The following NRXN3 variants were observed in gnomAD, a reference collection of about 807,000 sequenced individuals.
NRXN3 encodes the protein neurexin III.
Under a neutral mutation model 137.6 loss-of-function variants are expected in NRXN3, and 32 were observed. The observed-to-expected ratio is 0.23, with a 90% confidence interval of 0.18 to 0.31. The LOEUF (loss-of-function observed/expected upper bound fraction) is 0.31. Ranked by LOEUF, NRXN3 falls within the 10% of genes least tolerant of loss-of-function variation. The pLI is 1.00. For missense variants in NRXN3, 1,574 were observed against 2,062.5 expected (o/e 0.76, Z 4.59); for synonymous variants, 798 against 784.5 (o/e 1.02, Z -0.29).
intron 15 of NRXN3, among the ~76,000 whole-genome samples, chr14:79,004,869 G>A (rs139283296): frequency 1.5e-4 from 23 of 151,904 alleles, no homozygotes; most frequent in Non-Finnish European, 2.5e-4. Flanking sequence ...ATATGCTGTC[G>A]CCCCGTCCTC....
intron 15 of NRXN3, among the ~76,000 whole-genome samples, chr14:79,102,925 A>G (rs557782465): frequency 1.9e-4 from 29 of 152,324 alleles, no homozygotes; most frequent in African/African-American, 6.5e-4. Flanking sequence ...AGTGCCTACA[A>G]TGGGCCAGGT....
At chr14:78,559,913 T>C (rs2096771651) in intron 4 of NRXN3, among the ~76,000 whole-genome samples, 1 of 152,220 alleles carries the variant, frequency 6.6e-6, no homozygotes, top group African/African-American at 2.4e-5. Flanking sequence ...TATGCAGTGA[T>C]TATTTGTGTA....
chr14:79,439,062 T>C (rs747955425), intron 15 of NRXN3, among the ~76,000 whole-genome samples: 1 of 152,258 alleles, frequency 6.6e-6, no homozygotes, highest in Non-Finnish European at 1.5e-5. Context: ...CTCTGCAAGA[T>C]GCATTCTGGC....
intron 16 of NRXN3, among the ~76,000 whole-genome samples, chr14:79,550,998 A>G (rs979412739): frequency 6.6e-5 from 10 of 152,338 alleles, no homozygotes; most frequent in Non-Finnish European, 1.0e-4. Context: ...CCTGGGCATT[A>G]GAAGTAGTCA....
intron 15 of NRXN3, among the ~76,000 whole-genome samples, chr14:79,451,345 C>A (rs1156944327): frequency 6.6e-6 from 1 of 152,068 alleles, no homozygotes; most frequent in African/African-American, 2.4e-5. Context: ...AGTGGTATGA[C>A]CTTTGGCTGT....
chr14:78,278,514 G>T, intron 2 of NRXN3, 131 bp from the exon 3 acceptor site: 1 of 738,180 alleles, frequency 1.4e-6, no homozygotes, highest in South Asian at 1.7e-5. Context: ...TACCTCTGGG[G>T]CTTGCATGAA....
chr14:78,825,949 C>T (rs1401293004), intron 10 of NRXN3, among the ~76,000 whole-genome samples: 1 of 152,184 alleles, frequency 6.6e-6, no homozygotes, highest in Non-Finnish European at 1.5e-5. Context: ...GCTAATCTGT[C>T]CCTGATAAAG....
At chr14:78,914,745 G>T (rs916511150) in intron 10 of NRXN3, among the ~76,000 whole-genome samples, 1 of 152,072 alleles carries the variant, frequency 6.6e-6, no homozygotes, top group African/African-American at 2.4e-5. Flanking sequence ...GAGGACTTTG[G>T]GTTCTACTCT....
intron 19 of NRXN3, among the ~76,000 whole-genome samples, chr14:79,733,500 A>T (rs1176343005): frequency 6.6e-6 from 1 of 152,148 alleles, no homozygotes; most frequent in Non-Finnish European, 1.5e-5. Flanking sequence ...GTGGTAATGA[A>T]GTTGGTCCAT....
chr14:78,841,607 T>C (rs1012836926), intron 10 of NRXN3, among the ~76,000 whole-genome samples: 3 of 152,142 alleles, frequency 2.0e-5, no homozygotes, highest in Non-Finnish European at 2.9e-5. Flanking sequence ...CTCTCACTTA[T>C]GAATTGTTTC....
At chr14:78,734,528 G>A (rs1434418029) in intron 8 of NRXN3, among the ~76,000 whole-genome samples, 1 of 152,158 alleles carries the variant, frequency 6.6e-6, no homozygotes, top group African/African-American at 2.4e-5. Context: ...TTGGCCTCAT[G>A]GAGTTTATAG....
intron 16 of NRXN3, among the ~76,000 whole-genome samples, chr14:79,493,708 G>A (rs1007280309): frequency 6.6e-6 from 1 of 152,124 alleles, no homozygotes; most frequent in Non-Finnish European, 1.5e-5. Context: ...ATAATATATA[G>A]GAAGGCAGTT....
intron 16 of NRXN3, among the ~76,000 whole-genome samples, chr14:79,633,645 A>G (rs1455647368): frequency 6.6e-6 from 1 of 152,240 alleles, no homozygotes; most frequent in Non-Finnish European, 1.5e-5. Context: ...TCAAGAACTT[A>G]AGAGGATTTT....
intron 1 of NRXN3, among the ~76,000 whole-genome samples, chr14:78,187,157 T>G (rs1024463105): frequency 6.6e-6 from 1 of 152,186 alleles, no homozygotes; most frequent in Admixed American, 6.5e-5. Flanking sequence ...GTGTCTTCAC[T>G]TTACAAATGA....
intron 6 of NRXN3, among the ~76,000 whole-genome samples, chr14:78,698,803 C>T (rs902750536): frequency 3.3e-5 from 5 of 151,964 alleles, no homozygotes; most frequent in African/African-American, 4.8e-5. Flanking sequence ...GCATACATGC[C>T]GGGGAAAACT....
chr14:79,495,969 A>C (rs1014825506), intron 16 of NRXN3, among the ~76,000 whole-genome samples: 1 of 151,832 alleles, frequency 6.6e-6, no homozygotes, highest in South Asian at 2.1e-4. Context: ...ACAAAAAACA[A>C]AAAAACAAAA....
rs560202239 is a variant in NRXN3 at position 78,592,886 on chromosome 14, G to A, written c.758-52234G>A. The stretch of plus-strand genomic sequence containing the variant: ...AAGTCACAACAGTTAATCTGTAGTA[G>A]GACCCATGTCCTCCCATCTGCAGGG... On this transcript the variant is annotated intron_variant, in intron 4 of 20. Coordinates refer to ENST00000335750, the MANE Select transcript of NRXN3 (RefSeq NM_001330195.2). Among the ~76,000 whole-genome samples, 8 of 152,314 alleles carry A rather than the reference G, an allele frequency of 5.3e-5. No individual in the cohort carries two copies. The South Asian group carries it at 8.3e-4, about 16-fold the overall frequency.
chr14:78,578,895 T>C (rs569145885), intron 4 of NRXN3, among the ~76,000 whole-genome samples: 44 of 152,136 alleles, frequency 2.9e-4, no homozygotes, highest in African/African-American at 9.2e-4. Flanking sequence ...GGCTCTTTTT[T>C]CCTAGTGCTT....
chr14:79,752,999 G>A (rs1224615168), intron 19 of NRXN3, among the ~76,000 whole-genome samples: 1 of 151,634 alleles, frequency 6.6e-6, no homozygotes, highest in Non-Finnish European at 1.5e-5. Flanking sequence ...TCAGAGAAAT[G>A]CAAATCAAAA....
Sources: allele counts gnomAD v4.1 joint callset (sites outside exome capture counted in the v4.1 genomes callset), GRCh38; gene constraint gnomAD v4.1.1; transcripts MANE v1.5; gene names NCBI Gene and HGNC (gene_info 2026-07-23, HGNC 2026-07-21).